The following DNAJC16 variants were observed in gnomAD, a reference collection of about 807,000 sequenced individuals.
DNAJC16 encodes the protein DnaJ heat shock protein family (Hsp40) member C16, also known as dnaJ homolog subfamily C member 16.
In DNAJC16, 76 loss-of-function variants were observed where a neutral mutation model predicts 92.7. The observed-to-expected ratio is 0.82, with a 90% CI of 0.68 to 0.99. The LOEUF (loss-of-function observed/expected upper bound fraction) is 0.99. Ranked by LOEUF, DNAJC16 falls within the 50% of genes least tolerant of loss-of-function variation. The pLI is 0.00. For synonymous variants in DNAJC16, 328 were observed against 358.7 expected (o/e 0.91, Z 0.97); for missense variants, 869 against 942.4 (o/e 0.92, Z 1.02).
At chr1:15,565,171 C>G (rs1475177215) in intron 11 of DNAJC16, 1 of 152,396 alleles carries the variant, frequency 6.6e-6, no homozygotes, top group Non-Finnish European at 1.5e-5. Context: ...TGACCCTTTC[C>G]CACTGGCTAG....
chr1:15,557,362 A>G (rs1638590691), intron 7 of DNAJC16, among the ~76,000 whole-genome samples: 1 of 152,140 alleles, frequency 6.6e-6, no homozygotes. Flanking sequence ...CCTTCTTGTC[A>G]TCTTTGAGAA....
At chr1:15,559,399 T>C (rs1638641938) in intron 7 of DNAJC16, 127 bp from the exon 8 acceptor site, 2 of 1,270,084 alleles carry the variant, frequency 1.6e-6, no homozygotes, top group African/African-American at 3.0e-5. Flanking sequence ...AACAGGTCTG[T>C]CTTGTTTGGT....
chr1:15,559,413 A>G, intron 7 of DNAJC16, 113 bp from the exon 8 acceptor site: 1 of 1,438,328 alleles, frequency 7.0e-7, no homozygotes, highest in Non-Finnish European at 9.5e-7. Context: ...GTTTGGTTAT[A>G]TTACTTTAGC....
chr1:15,558,569 G>T (rs1638622857), intron 7 of DNAJC16, among the ~76,000 whole-genome samples: 1 of 151,912 alleles, frequency 6.6e-6, no homozygotes, highest in African/African-American at 2.4e-5. Flanking sequence ...TGGGTTCAAG[G>T]GATCCTCTTG....
intron 4 of DNAJC16, among the ~76,000 whole-genome samples, chr1:15,543,210 G>A (rs1379185846): frequency 6.6e-6 from 1 of 152,212 alleles, no homozygotes; most frequent in Admixed American, 6.5e-5. Flanking sequence ...TTAGAAGATG[G>A]TAAACGCTGT....
At chr1:15,561,092 T>A (rs1638679769) in intron 8 of DNAJC16, among the ~76,000 whole-genome samples, 1 of 151,508 alleles carries the variant, frequency 6.6e-6, no homozygotes, top group Non-Finnish European at 1.5e-5. Flanking sequence ...CTGGCCTCTC[T>A]CTGTCCCCTT....
intron 4 of DNAJC16, among the ~76,000 whole-genome samples, chr1:15,538,546 T>A (rs1427240886): frequency 6.6e-6 from 1 of 151,900 alleles, no homozygotes; most frequent in Non-Finnish European, 1.5e-5. Context: ...GCTGAAACTC[T>A]GTCTCTAGTA....
chr1:15,565,876 A>G, intron 11 of DNAJC16, 43 bp from the exon 12 acceptor site: 1 of 1,579,680 alleles, frequency 6.3e-7, no homozygotes, highest in Middle Eastern at 1.7e-4. Flanking sequence ...GCTGGAGAGA[A>G]GAAATTTTAA....
Position 15,570,953 on chromosome 1 carries a change from G to T in DNAJC16, c.*2776G>T, listed in dbSNP as rs373100004. 1.3e-5 allele frequency: 2 copies of T among 151,224 alleles called. No homozygotes were observed. The highest frequency in any genetic ancestry group is 4.9e-5 in the African/African-American group (2 of 41,116). 9.4% of individuals were successfully genotyped at this position (151,224 alleles called of 1,614,324 possible). The stretch of plus-strand genomic sequence containing the variant: ...CTGGTTGATACAGACTATGCATTGC[G>T]TTTAGCAGATGGGGTAAAACTGGCC... On this transcript the variant is annotated 3_prime_UTR_variant, in exon 15 of 15. Coordinates refer to ENST00000375847, the MANE Select transcript of DNAJC16 (RefSeq NM_015291.4).
At chr1:15,558,058 A>T (rs1355649443) in intron 7 of DNAJC16, among the ~76,000 whole-genome samples, 1 of 151,096 alleles carries the variant, frequency 6.6e-6, no homozygotes, top group Non-Finnish European at 1.5e-5. Flanking sequence ...TTTAGTAGAG[A>T]CAGGGTTTCA....
At chr1:15,554,419 C>T (rs1479507477) in intron 7 of DNAJC16, among the ~76,000 whole-genome samples, 1 of 152,038 alleles carries the variant, frequency 6.6e-6, no homozygotes, top group African/African-American at 2.4e-5. Flanking sequence ...TTCCTTGTTT[C>T]TATTTAAGAT....
At chr1:15,546,915 C>CT (rs76961003) in intron 6 of DNAJC16, 44 bp downstream of exon 6, 52,879 of 897,042 alleles carry the variant, frequency 0.059, 192 homozygotes, top group African/African-American at 0.096. Context: ...CTTTTCTTTT[C>CT]TTTTTTTTTT....
rs1434480071 is a variant in DNAJC16 at position 15,568,743 on chromosome 1, G to A, written c.*566G>A. 5.0e-6 allele frequency: 2 copies of A among 398,732 alleles called. No individual in the cohort carries two copies. The highest frequency in any genetic ancestry group is 8.8e-6 in the Non-Finnish European group (2 of 226,284). The allele number at this position is 398,732 out of a possible 1,614,324, so 24.7% of individuals were successfully genotyped here. ...AGTAAGTGGCTAAATGTATATTTTG[G>A]GGGTATCCCCCAACAACAGTTTGTT... On this transcript the variant is annotated 3_prime_UTR_variant, in exon 15 of 15. Transcript: ENST00000375847.
intron 2 of DNAJC16, among the ~76,000 whole-genome samples, chr1:15,530,166 C>G (rs993567208): frequency 2.0e-5 from 3 of 151,452 alleles, no homozygotes; most frequent in African/African-American, 7.3e-5. Context: ...TTTGTAATCC[C>G]AGCACTTTGG....
intron 8 of DNAJC16, among the ~76,000 whole-genome samples, chr1:15,561,093 C>T (rs1359186049): frequency 6.6e-6 from 1 of 151,732 alleles, no homozygotes; most frequent in Non-Finnish European, 1.5e-5. Flanking sequence ...TGGCCTCTCT[C>T]TGTCCCCTTT....
intron 4 of DNAJC16, among the ~76,000 whole-genome samples, chr1:15,538,132 C>T (rs921602286): frequency 1.3e-5 from 2 of 152,190 alleles, no homozygotes; most frequent in African/African-American, 2.4e-5. Flanking sequence ...CACGGTGGCT[C>T]ATACCTGTAA....
chr1:15,566,439 C>T (rs1453164622), intron 13 of DNAJC16: 4 of 467,044 alleles, frequency 8.6e-6, no homozygotes, highest in Non-Finnish European at 1.5e-5. Context: ...AGAAGCAGGA[C>T]GTGGTTTATC....
chr1:15,561,580 G>C (rs1238543987), intron 8 of DNAJC16, among the ~76,000 whole-genome samples: 1 of 152,126 alleles, frequency 6.6e-6, no homozygotes, highest in Non-Finnish European at 1.5e-5. Flanking sequence ...AGCTACTTGG[G>C]AGGCTGAGGC....
At chr1:15,557,715 G>A (rs1437923878) in intron 7 of DNAJC16, among the ~76,000 whole-genome samples, 1 of 150,562 alleles carries the variant, frequency 6.6e-6, no homozygotes, top group African/African-American at 2.4e-5. Context: ...TCTAATATCT[G>A]ATAGGCGTTC....
Sources: allele counts gnomAD v4.1 joint callset (sites outside exome capture counted in the v4.1 genomes callset), GRCh38; gene constraint gnomAD v4.1.1; transcripts MANE v1.5; gene names NCBI Gene and HGNC (gene_info 2026-07-23, HGNC 2026-07-21).